Variants in SLC24A3 observed in about 807,000 individuals in gnomAD.
SLC24A3 encodes solute carrier family 24 member 3.
In SLC24A3, 28 loss-of-function variants were observed where a neutral mutation model predicts 75.8. The observed-to-expected ratio is 0.37, with a 90% CI of 0.27 to 0.51. The LOEUF is 0.51. Among genes scored for constraint, SLC24A3 ranks in the 20% least tolerant of loss-of-function variants. The pLI is 0.94. For synonymous variants in SLC24A3, 372 were observed against 334.1 expected (o/e 1.11, Z -1.24); for missense variants, 663 against 847.8 (o/e 0.78, Z 2.71).
At chr20:19,666,231 G>C (rs1344516892) in intron 8 of SLC24A3, among the ~76,000 whole-genome samples, 1 of 152,184 alleles carries the variant, frequency 6.6e-6, no homozygotes, top group Non-Finnish European at 1.5e-5. Flanking sequence ...TTTGGGCCGG[G>C]CACAGTGGCT....
chr20:19,351,921 C>T (rs1985575315), intron 2 of SLC24A3, among the ~76,000 whole-genome samples: 1 of 152,100 alleles, frequency 6.6e-6, no homozygotes, highest in African/African-American at 2.4e-5. Flanking sequence ...GGAAATGGTG[C>T]CCCTCAAGTT....
intron 2 of SLC24A3, among the ~76,000 whole-genome samples, chr20:19,421,014 C>A (rs1331997806): frequency 1.6e-4 from 1 of 6,446 alleles, no homozygotes; most frequent in African/African-American, 9.4e-4. Flanking sequence ...AAACTGGATC[C>A]CTTCCTTACA....
At chr20:19,645,407 T>G (rs534624627) in intron 6 of SLC24A3, among the ~76,000 whole-genome samples, 1 of 152,306 alleles carries the variant, frequency 6.6e-6, no homozygotes, top group African/African-American at 2.4e-5. Context: ...AGATGCATAT[T>G]CCTGCAAGGC....
At chr20:19,626,730 A>G (rs934228499) in intron 6 of SLC24A3, among the ~76,000 whole-genome samples, 3 of 152,226 alleles carry the variant, frequency 2.0e-5, no homozygotes, top group Admixed American at 6.5e-5. Context: ...ATCACCAAGT[A>G]CCAGGAGTAA....
At chr20:19,463,234 G>A (rs563957964) in intron 2 of SLC24A3, among the ~76,000 whole-genome samples, 5 of 152,036 alleles carry the variant, frequency 3.3e-5, no homozygotes, top group African/African-American at 1.2e-4. Flanking sequence ...TCTCTCTATC[G>A]TAAACACACT....
chr20:19,564,515 A>G lies in SLC24A3; in HGVS notation c.349-15485A>G, dbSNP rs568939732. On this transcript the variant is annotated intron_variant, in intron 3 of 16. Coordinates refer to ENST00000328041, the MANE Select transcript of SLC24A3 (RefSeq NM_020689.4). ...TATCGTCACCATCATCATCACCACT[A>G]CTGTCAAAACCTCATTCATTATCAC... Among the ~76,000 whole-genome samples, 4 of 152,192 alleles carry G rather than the reference A, an allele frequency of 2.6e-5. No homozygotes were observed. In the East Asian group the frequency reaches 7.7e-4, roughly 29 times the overall value.
At chr20:19,283,875 T>C (rs989082339) in intron 2 of SLC24A3, among the ~76,000 whole-genome samples, 1 of 152,118 alleles carries the variant, frequency 6.6e-6, no homozygotes, top group Non-Finnish European at 1.5e-5. Context: ...TCATTACGGG[T>C]GGGGCACAGT....
chr20:19,327,497 A>G (rs900631372), intron 2 of SLC24A3, among the ~76,000 whole-genome samples: 5 of 152,236 alleles, frequency 3.3e-5, no homozygotes, highest in African/African-American at 4.8e-5. Flanking sequence ...CTGGAATCTC[A>G]GCATGAGACT....
In SLC24A3 at chr20:19,212,683, C is replaced by G. The variant is rs1981433941; in HGVS notation, c.-160C>G. The G allele has an allele frequency of 2.7e-6, 1 of 375,338 alleles. No individual in the cohort carries two copies. Among genetic ancestry groups the G allele is most frequent in the Non-Finnish European group, 3.7e-6 (1 of 273,712 alleles). The allele number at this position is 375,338 out of a possible 1,614,324, so 23.3% of individuals were successfully genotyped here. ...GCGACGACGAGGAGACGGGCAGCGGCGAGGAGGAGGAAGAGGAGGCGGAGG... is the reference window on the plus strand; with the variant it reads ...GCGACGACGAGGAGACGGGCAGCGGGGAGGAGGAGGAAGAGGAGGCGGAGG... On this transcript the variant is annotated 5_prime_UTR_variant, in exon 1 of 17. Transcript: ENST00000328041.
At chr20:19,676,533 T>C (rs1042647277) in intron 9 of SLC24A3, among the ~76,000 whole-genome samples, 2 of 152,232 alleles carry the variant, frequency 1.3e-5, no homozygotes, top group African/African-American at 4.8e-5. Flanking sequence ...ATTTATAAAA[T>C]TGCATGCTTC....
At chr20:19,640,097 G>T (rs561024291) in intron 6 of SLC24A3, among the ~76,000 whole-genome samples, 1 of 152,382 alleles carries the variant, frequency 6.6e-6, no homozygotes, top group African/African-American at 2.4e-5. Flanking sequence ...GCAGAGGTGG[G>T]CTGAAGGGCT....
At chr20:19,668,934 A>G (rs1423299924) in intron 8 of SLC24A3, among the ~76,000 whole-genome samples, 1 of 152,166 alleles carries the variant, frequency 6.6e-6, no homozygotes, top group Admixed American at 6.5e-5. Flanking sequence ...AAGAAGGGGC[A>G]CTGTTGTTCT....
intron 2 of SLC24A3, among the ~76,000 whole-genome samples, chr20:19,501,244 A>G (rs1988379488): frequency 6.6e-6 from 1 of 152,156 alleles, no homozygotes; most frequent in African/African-American, 2.4e-5. Flanking sequence ...TTGGAACATA[A>G]ATTATGGTAT....
intron 3 of SLC24A3, among the ~76,000 whole-genome samples, chr20:19,543,398 G>C (rs547435127): frequency 6.6e-6 from 1 of 152,344 alleles, no homozygotes; most frequent in South Asian, 2.1e-4. Flanking sequence ...AGCCAAGGAT[G>C]CTAGGCCATA....
chr20:19,588,819 T>G lies in SLC24A3; in HGVS notation c.612+3275T>G, dbSNP rs558137866. On this transcript the variant is annotated intron_variant, in intron 6 of 16. Coordinates refer to ENST00000328041, the MANE Select transcript of SLC24A3 (RefSeq NM_020689.4). ...TCTGCCGTTCAGAGCATGTTAAGAT[T>G]TAAATGCCTAACCACAAACAGAAAT... Among the ~76,000 whole-genome samples, 68 of 152,346 alleles carry G rather than the reference T, an allele frequency of 4.5e-4. No homozygotes were observed. The South Asian group carries it at 6.4e-3, about 14-fold the overall frequency.
chr20:19,477,207 G>A (rs1218937861), intron 2 of SLC24A3, among the ~76,000 whole-genome samples: 2 of 152,138 alleles, frequency 1.3e-5, no homozygotes, highest in African/African-American at 2.4e-5. Context: ...GCAACGAGGT[G>A]AGGAAGAGTG....
At chr20:19,547,588 C>G (rs2030621890) in intron 3 of SLC24A3, among the ~76,000 whole-genome samples, 1 of 152,212 alleles carries the variant, frequency 6.6e-6, no homozygotes, top group Admixed American at 6.5e-5. Context: ...CCGGATCTCA[C>G]AGGTGACTGC....
In SLC24A3 at chr20:19,719,523, G is replaced by A. The variant is rs189740561; in HGVS notation, c.1786-1468G>A. On this transcript the variant is annotated intron_variant, in intron 16 of 16. Coordinates refer to ENST00000328041, the MANE Select transcript of SLC24A3 (RefSeq NM_020689.4). The stretch of plus-strand genomic sequence containing the variant: ...GAGGTGGGGTTGGGAGCTCTGTGCC[G>A]TGGGGATAAGTGAGGACGGGGAAGT... Among the ~76,000 whole-genome samples the A allele has an allele frequency of 4.1e-4, 62 of 152,006 alleles. No homozygotes were observed. In the South Asian group the frequency reaches 6.5e-3, roughly 16 times the overall value.
At chr20:19,704,713 G>T (rs956227996) in intron 15 of SLC24A3, among the ~76,000 whole-genome samples, 6 of 152,158 alleles carry the variant, frequency 3.9e-5, no homozygotes, top group African/African-American at 1.4e-4. Context: ...GAAGAGAGGG[G>T]TGTGTGGCGA....
Sources: allele counts gnomAD v4.1 joint callset (sites outside exome capture counted in the v4.1 genomes callset), GRCh38; gene constraint gnomAD v4.1.1; transcripts MANE v1.5; gene names NCBI Gene and HGNC (gene_info 2026-07-23, HGNC 2026-07-21).